SRRM1: variants seen among roughly 807,000 people sequenced by gnomAD.
SRRM1 encodes the protein serine and arginine repetitive matrix 1, also known as serine/arginine repetitive matrix protein 1.
SRRM1 carries 19 observed loss-of-function variants against 110.2 expected under a neutral mutation model. The ratio of observed to expected loss-of-function variants is 0.17; its 90% confidence interval spans 0.12 to 0.25. SRRM1 has a LOEUF of 0.25. Ranked by LOEUF, SRRM1 falls within the 10% of genes least tolerant of loss-of-function variation. The pLI is 1.00. For synonymous variants in SRRM1, 443 were observed against 414.9 expected, an observed-to-expected ratio of 1.07 and a Z score of -0.82; for missense variants, 918 against 1,145.8, an observed-to-expected ratio of 0.80 and a Z score of 2.87.
In SRRM1 at chr1:24,651,528, C is replaced by T. The variant is rs769305629; in HGVS notation, c.641C>T (p.Pro214Leu). 3 of 1,613,894 alleles carry T rather than the reference C, an allele frequency of 1.9e-6. No individual in the cohort carries two copies. The highest frequency in any genetic ancestry group is 4.5e-5 in the East Asian group (2 of 44,880). ...RTKSRSPSPAPEKKEKTPELP... is the reference protein window; with the variant it reads ...RTKSRSPSPALEKKEKTPELP... Reference sequence around the variant, plus strand: ...AAGAGCCGGAGTCCTTCCCCTGCTCCAGAAAAGAAGGAAAAAACTCCAGAG... The same window carrying T: ...AAGAGCCGGAGTCCTTCCCCTGCTCTAGAAAAGAAGGAAAAAACTCCAGAG... Residue 214 changes from proline to leucine, a missense_variant, in exon 6 of 17, where the codon CCA becomes CTA. Pro to Leu is a moderately conservative substitution (Grantham distance 98). This residue lies in a region of SRRM1 where 456 missense variants were observed against 453.5 expected (regional missense o/e 1.01). Coordinates refer to ENST00000323848, the MANE Select transcript of SRRM1 (RefSeq NM_005839.4).
intron 12 of SRRM1, chr1:24,663,219 TA>T: frequency 1.3e-6 from 2 of 1,511,626 alleles, no homozygotes; most frequent in Non-Finnish European, 1.8e-6. Flanking sequence ...CGCCAGTGAC[TA>T]AAAGGTTGGT....
At chr1:24,661,489 A>C in intron 11 of SRRM1, 93 bp downstream of exon 11, 1 of 848,104 alleles carries the variant, frequency 1.2e-6, no homozygotes, top group Non-Finnish European at 1.8e-6. Flanking sequence ...ATGAGTACTT[A>C]CTTGCCTACA....
At chr1:24,648,817 T>C in intron 3 of SRRM1, 42 bp from the exon 4 acceptor site, 1 of 1,594,648 alleles carries the variant, frequency 6.3e-7, no homozygotes, top group African/African-American at 1.4e-5. Flanking sequence ...GTTGGTTGGT[T>C]TTGAAGTAAC....
intron 12 of SRRM1, among the ~76,000 whole-genome samples, chr1:24,666,020 G>C (rs767439106): frequency 6.6e-6 from 1 of 152,168 alleles, no homozygotes; most frequent in Non-Finnish European, 1.5e-5. Context: ...CTGTATTAGA[G>C]TCTCTAAAGC....
At position 24,652,935 on chromosome 1, in the gene SRRM1, C is replaced by T. The variant is rs749923468; in HGVS notation, c.943C>T (p.Pro315Ser). Residue 315 changes from proline to serine, a missense_variant, in exon 8 of 17, where the codon CCA becomes TCA. By Grantham distance (74) the Pro-to-Ser change is moderately conservative (BLOSUM62 -1). Around this residue, in one of 5 missense-constraint regions of SRRM1, gnomAD observed 456 missense variants for 453.5 expected, o/e 1.01. Coordinates refer to ENST00000323848, the MANE Select transcript of SRRM1 (RefSeq NM_005839.4). ...CAGATCGTATTCACCTAGAAGGCGG[C>T]CAAGCCCAAGAAGGCGGCCATCTCC... is the stretch of plus-strand genomic sequence containing the variant. ...RSRSYSPRRR[P>S]SPRRRPSPRR... 1 of 1,613,742 alleles carries T rather than the reference C, an allele frequency of 6.2e-7. No homozygotes were observed. The highest frequency in any genetic ancestry group is 8.5e-7 in the Non-Finnish European group (1 of 1,179,824).
Position 24,651,522 on chromosome 1 carries a change from C to T in SRRM1, c.635C>T (p.Pro212Leu), listed in dbSNP as rs747730214. Residue 212 changes from proline to leucine, a missense_variant, in exon 6 of 17, where the codon CCT (proline) becomes CTT (leucine). This residue lies in a region of SRRM1 where 456 missense variants were observed against 453.5 expected (regional missense o/e 1.01). Coordinates refer to ENST00000323848, the MANE Select transcript of SRRM1 (RefSeq NM_005839.4). ...AGAACCAAGAGCCGGAGTCCTTCCC[C>T]TGCTCCAGAAAAGAAGGAAAAAACT... ...RHRTKSRSPS[P>L]APEKKEKTPE... The T allele has an allele frequency of 6.2e-7, 1 of 1,614,144 alleles. No homozygotes were observed. The highest frequency in any genetic ancestry group is 8.5e-7 in the Non-Finnish European group (1 of 1,180,030).
chr1:24,658,641 C>A (rs911877042), intron 9 of SRRM1, among the ~76,000 whole-genome samples: 2 of 152,146 alleles, frequency 1.3e-5, no homozygotes, highest in African/African-American at 4.8e-5. Context: ...CTTGGACATG[C>A]ACTTTTTAAC....
In SRRM1 at chr1:24,662,694, A is replaced by C. The variant is rs1353061202; in HGVS notation, c.1518A>C (p.Arg506=). The C allele has an allele frequency of 6.2e-7, 1 of 1,614,006 alleles. No homozygotes were observed. Among genetic ancestry groups the C allele is most frequent in the African/African-American group, 1.3e-5 (1 of 74,892 alleles). ...CCTCCTCCTCCTCAGAAGATGAACGACCCAAGAGATCCCATGTGAAGAATG... is the reference window on the plus strand; with the variant it reads ...CCTCCTCCTCCTCAGAAGATGAACGCCCCAAGAGATCCCATGTGAAGAATG... ...SGSSSSSEDE[R]PKRSHVKNGE... Residue 506 remains arginine, a synonymous_variant, in exon 12 of 17, where the codon CGA becomes CGC. Transcript: ENST00000323848.
chr1:24,671,992 A>G (rs1445667919), intron 16 of SRRM1, among the ~76,000 whole-genome samples, 190 bp from the exon 17 acceptor site: 2 of 151,706 alleles, frequency 1.3e-5, no homozygotes, highest in Admixed American at 1.3e-4. Context: ...ACATATGTAT[A>G]CATGTGCCAT....
At position 24,652,536 on chromosome 1, in the gene SRRM1, A is replaced by G. The variant is rs374891320; in HGVS notation, c.828A>G (p.Pro276=). 3.1e-5 allele frequency: 50 copies of G among 1,613,846 alleles called. No individual in the cohort carries two copies. The East Asian group carries it at 6.2e-4, about 20-fold the overall frequency. Residue 276 remains proline, a synonymous_variant, in exon 7 of 17, where the codon CCA becomes CCG. Coordinates refer to ENST00000323848, the MANE Select transcript of SRRM1 (RefSeq NM_005839.4). ...AAAAGGAGAAGGAGAAGACCCGACC[A>G]CGATCTCGGTCACGCTCCAAATCAA... ...KKEKEKEKTR[P]RSRSRSKSRS...
intron 4 of SRRM1, among the ~76,000 whole-genome samples, chr1:24,649,433 C>T (rs780172773): frequency 8.5e-5 from 13 of 152,336 alleles, no homozygotes; most frequent in Non-Finnish European, 1.8e-4. Flanking sequence ...ATTCTCATGC[C>T]TCAGTCTCCT....
chr1:24,660,348 C>T (rs900175623), intron 9 of SRRM1, among the ~76,000 whole-genome samples: 3 of 152,190 alleles, frequency 2.0e-5, no homozygotes, highest in Non-Finnish European at 2.9e-5. Flanking sequence ...CATTGTAGAA[C>T]TTTTTGAGGC....
chr1:24,646,179 A>C, intron 2 of SRRM1, 106 bp downstream of exon 2: 1 of 803,342 alleles, frequency 1.2e-6, no homozygotes, highest in Non-Finnish European at 2.1e-6. Flanking sequence ...TAAGAAAAAC[A>C]TAATTGAACA....
chr1:24,657,145 G>A, intron 9 of SRRM1, among the ~76,000 whole-genome samples: 1 of 152,120 alleles, frequency 6.6e-6, no homozygotes. Context: ...CAGTGGCCCA[G>A]TCATAGCTCA....
chr1:24,653,208 A>G (rs977766738), intron 8 of SRRM1, among the ~76,000 whole-genome samples, 176 bp downstream of exon 8: 1 of 152,206 alleles, frequency 6.6e-6, no homozygotes, highest in African/African-American at 2.4e-5. Context: ...GTGTTATGAA[A>G]AGTGTCTAGT....
At position 24,667,954 on chromosome 1, in the gene SRRM1, A is replaced by G. The variant is rs372024345; in HGVS notation, c.1739+1029A>G. On this transcript the variant is annotated intron_variant, in intron 13 of 16. Coordinates refer to ENST00000323848, the MANE Select transcript of SRRM1 (RefSeq NM_005839.4). ...ATATGTTGCCAAGCAATGTAATGAC[A>G]TGCTGCCACTCTTTTTTTTTTTTTT... Among the ~76,000 whole-genome samples, 7 of 140,540 alleles carry G rather than the reference A, an allele frequency of 5.0e-5. No individual in the cohort carries two copies. The South Asian group carries it at 1.3e-3, about 27-fold the overall frequency. 92.2% of individuals were successfully genotyped at this position (140,540 alleles called of 152,430 possible).
At chr1:24,651,769 A>G (rs1660793228) in intron 6 of SRRM1, among the ~76,000 whole-genome samples, 157 bp downstream of exon 6, 1 of 151,922 alleles carries the variant, frequency 6.6e-6, no homozygotes, top group Admixed American at 6.6e-5. Context: ...AGGAGAGTAT[A>G]TTAGAAGAAA....
chr1:24,668,638 C>CG (rs1671245291), intron 13 of SRRM1, among the ~76,000 whole-genome samples: 1 of 152,150 alleles, frequency 6.6e-6, no homozygotes, highest in Non-Finnish European at 1.5e-5. Flanking sequence ...GCAGTGAACT[C>CG]TTAATTATTC....
At chr1:24,670,589 G>A (rs1288542338) in intron 15 of SRRM1, among the ~76,000 whole-genome samples, 1 of 152,114 alleles carries the variant, frequency 6.6e-6, no homozygotes, top group African/African-American at 2.4e-5. Context: ...CTTCCTGGAC[G>A]CAGGTGATCC....
Sources: allele counts gnomAD v4.1 joint callset (sites outside exome capture counted in the v4.1 genomes callset), GRCh38; gene constraint gnomAD v4.1.1; regional missense constraint gnomAD v4.1.1; transcripts MANE v1.5; gene names NCBI Gene and HGNC (gene_info 2026-07-23, HGNC 2026-07-21).